MYO18A: variants seen among roughly 807,000 people sequenced by gnomAD.
MYO18A encodes the protein unconventional myosin-XVIIIa.
Under a neutral mutation model 235.8 loss-of-function variants are expected in MYO18A, and 78 were observed. That is an observed-to-expected ratio of 0.33 (90% CI 0.28 to 0.40). MYO18A has a LOEUF of 0.40. Among genes scored for constraint, MYO18A ranks in the 10% least tolerant of loss-of-function variants. MYO18A has a pLI of 1.00. For missense variants in MYO18A, 2,215 were observed against 2,699.3 expected, an observed-to-expected ratio of 0.82 and a Z score of 3.98; for synonymous variants, 977 against 1,077.8, an observed-to-expected ratio of 0.91 and a Z score of 1.83.
Position 29,106,985 on chromosome 17 carries a change from G to A in MYO18A, c.3441+95C>T. ...TGGGAGCCTGAGCAGGGCCAGATGA[G>A]CTGTCTCCAGGGAAGGGAAGGCAGA... is the stretch of plus-strand genomic sequence containing the variant. On this transcript the variant is annotated intron_variant, in intron 20 of 41. Transcript: ENST00000527372. The surrounding 1 kb of genome is among the most constrained non-coding windows in gnomAD (Gnocchi z 4.6). 2 of 1,215,068 alleles carry A rather than the reference G, an allele frequency of 1.6e-6. No individual in the cohort carries two copies. Among genetic ancestry groups the A allele is most frequent in the Non-Finnish European group, 2.4e-6 (2 of 827,680 alleles). 75.3% of individuals were successfully genotyped at this position (1,215,068 alleles called of 1,614,324 possible). A position where few individuals can be genotyped will look rare whatever the true frequency, so the allele number is the denominator to read the frequency against.
Position 29,073,680 on chromosome 17 carries a change from C to A in MYO18A, c.*1090G>T. On this transcript the variant is annotated 3_prime_UTR_variant, in exon 42 of 42. Coordinates refer to ENST00000527372, the MANE Select transcript of MYO18A (RefSeq NM_078471.4). ...AGTCTGGTGGAGTTCTCAGGGATAA[C>A]CTTTTTAGGGTGGGGGCTGGGACCT... 1.4e-6 allele frequency: 1 copy of A among 705,854 alleles called. No individual in the cohort carries two copies. Among genetic ancestry groups the A allele is most frequent in the Non-Finnish European group, 2.3e-6 (1 of 428,950 alleles). The allele number at this position is 705,854 out of a possible 1,614,324, so 43.7% of individuals were successfully genotyped here.
In MYO18A at chr17:29,118,038, AG is replaced by A. The variant is rs1344088636; in HGVS notation, c.2038+6del. ...AGGCCAGCCTACTGGGACCCACTGC[AG>A]GTTACCTTTGGTGGCTCCCGCAGCC... On this transcript the variant is annotated splice_donor_region_variant and intron_variant, in intron 10 of 41. Transcript: ENST00000527372. This position sits in a 1 kb window ranked among gnomAD's most constrained non-coding sequence, Gnocchi z 4.2. The A allele has an allele frequency of 6.3e-6, 10 of 1,575,684 alleles. No individual in the cohort carries two copies. The highest frequency in any genetic ancestry group is 7.8e-6 in the Non-Finnish European group (9 of 1,160,754).
In MYO18A at chr17:29,099,639, T is replaced by C; in HGVS notation, c.3631A>G (p.Arg1211Gly). ...GGATGTCTCTAGAGCAGCACCTTTC[T>C]CTTCTTGAAGTGCTGGCGGGCCAGG... is the stretch of plus-strand genomic sequence containing the variant. ...GYLARQHFKK[R>G]KIQDLAIRCV... Residue 1211 changes from arginine (R) to glycine (G), a missense_variant, in exon 22 of 42, where the codon AGA (arginine) becomes GGA (glycine). Transcript: ENST00000527372. 2 of 1,613,518 alleles carry C rather than the reference T, an allele frequency of 1.2e-6. No homozygotes were observed. Among genetic ancestry groups the C allele is most frequent in the South Asian group, 1.1e-5 (1 of 91,030 alleles).
At chr17:29,144,468 C>T (rs1290030227) in intron 2 of MYO18A, among the ~76,000 whole-genome samples, 5 of 152,180 alleles carry the variant, frequency 3.3e-5, no homozygotes, top group Admixed American at 6.5e-5. Flanking sequence ...AAGACCCACC[C>T]GGCAATGCAA....
chr17:29,087,677 T>C (rs1369807231), intron 37 of MYO18A, among the ~76,000 whole-genome samples: 1 of 152,142 alleles, frequency 6.6e-6, no homozygotes, highest in African/African-American at 2.4e-5. Flanking sequence ...AGAGAGGGGC[T>C]GAATGTGAGG....
At chr17:29,163,971 C>T (rs2152973062) in intron 2 of MYO18A, among the ~76,000 whole-genome samples, 1 of 152,346 alleles carries the variant, frequency 6.6e-6, no homozygotes, top group African/African-American at 2.4e-5. Flanking sequence ...CTCACTGCAA[C>T]TTCCGCCTCC....
intron 2 of MYO18A, among the ~76,000 whole-genome samples, chr17:29,148,860 G>T (rs1311791930): frequency 6.6e-6 from 1 of 152,194 alleles, no homozygotes; most frequent in East Asian, 1.9e-4. Context: ...AGCACCCTAC[G>T]CACGGGTCAG....
At chr17:29,161,877 C>T (rs1436342300) in intron 2 of MYO18A, among the ~76,000 whole-genome samples, 2 of 152,204 alleles carry the variant, frequency 1.3e-5, no homozygotes, top group Non-Finnish European at 2.9e-5. Context: ...CCAACATCTC[C>T]CCTAATCTCA....
intron 40 of MYO18A, among the ~76,000 whole-genome samples, chr17:29,084,054 C>T (rs1054645057): frequency 2.6e-5 from 4 of 152,180 alleles, no homozygotes; most frequent in African/African-American, 7.2e-5. Context: ...TGCCTTACTG[C>T]GCTGGGCTCA....
chr17:29,093,305 G>A lies in MYO18A; in HGVS notation c.4926+18C>T, dbSNP rs769893850. The A allele has an allele frequency of 6.2e-7, 1 of 1,600,536 alleles. No homozygotes were observed. Among genetic ancestry groups the A allele is most frequent in the Non-Finnish European group, 8.5e-7 (1 of 1,172,414 alleles). On this transcript the variant is annotated intron_variant, in intron 32 of 41. Coordinates refer to ENST00000527372, the MANE Select transcript of MYO18A (RefSeq NM_078471.4). ...GGCAGGGAGCCGGCCAGGCTTGGTG[G>A]GTGGAGCATCCCCTGACCTGGTCGC...
Position 29,098,513 on chromosome 17 carries a change from C to A in MYO18A, c.3781-68G>T, listed in dbSNP as rs545616528. ...GAGGGATTGGGGCCCTGGGTCTGCACCCCTGTAGTGAACGAAGCTGATGAA... is the reference window on the plus strand; with the variant it reads ...GAGGGATTGGGGCCCTGGGTCTGCAACCCTGTAGTGAACGAAGCTGATGAA... On this transcript the variant is annotated intron_variant, in intron 23 of 41. Transcript: ENST00000527372. 763 of 1,561,088 alleles carry A rather than the reference C, an allele frequency of 4.9e-4. 2 individuals are homozygous for A. Among genetic ancestry groups the A allele is most frequent in the Non-Finnish European group, 6.2e-4 (703 of 1,138,090 alleles).
chr17:29,159,564 G>A (rs958699855), intron 2 of MYO18A, among the ~76,000 whole-genome samples: 1 of 152,120 alleles, frequency 6.6e-6, no homozygotes, highest in East Asian at 1.9e-4. Flanking sequence ...GTAAAATCAG[G>A]AACAGAAGCA....
At chr17:29,128,560 T>C in intron 2 of MYO18A, 1 of 1,223,888 alleles carries the variant, frequency 8.2e-7, no homozygotes, top group Non-Finnish European at 1.0e-6. Flanking sequence ...GTCATACAAA[T>C]ACAGGTAGAC....
rs1427544150 is a variant in MYO18A, at chr17:29,111,517, T to C, written c.2807A>G (p.Asn936Ser). 2 of 1,613,598 alleles carry C rather than the reference T, an allele frequency of 1.2e-6. No individual in the cohort carries two copies. The highest frequency in any genetic ancestry group is 1.3e-5 in the African/African-American group (1 of 75,026). The change falls in exon 17 of 42, where the codon AAC (asparagine) becomes AGC (serine). Residue 936 changes from asparagine to serine, a missense_variant. Physicochemically the swap from Asn to Ser is conservative, Grantham distance 46. Transcript: ENST00000527372. The surrounding 1 kb of genome is among the most constrained non-coding windows in gnomAD (Gnocchi z 5.1). ...GCCAGTCACATTGTACTCTACCCAG[T>C]TGGTGCCATGGCTGTGGCCCAGGAG... Reference protein sequence around the residue: ...HFLLGHSHGTNWVEYNVTGWL... With the variant: ...HFLLGHSHGTSWVEYNVTGWL...
intron 40 of MYO18A, 146 bp from the exon 41 acceptor site, chr17:29,082,584 G>C: frequency 1.3e-6 from 1 of 763,454 alleles, no homozygotes; most frequent in Non-Finnish European, 2.1e-6. Context: ...GAATGAGAGA[G>C]GTTAGACAGA....
At chr17:29,096,619 G>C in intron 28 of MYO18A, 142 bp downstream of exon 28, 2 of 1,115,916 alleles carry the variant, frequency 1.8e-6, no homozygotes, top group Non-Finnish European at 2.4e-6. Flanking sequence ...GCCCCTTCAC[G>C]TTCCAAGATG....
At position 29,126,968 on chromosome 17, in the gene MYO18A, T is replaced by C. The variant is rs775704414; in HGVS notation, c.1000-4715A>G. ...GCTCCTCAAGAGTCCTGCTGCCAGA[T>C]GGTCATGCTGGCCAGGCCTAAAGAA... On this transcript the variant is annotated intron_variant, in intron 2 of 41. Transcript: ENST00000527372. The surrounding 1 kb of genome is among the most constrained non-coding windows in gnomAD (Gnocchi z 4.1). Among the ~76,000 whole-genome samples, 2 of 152,200 alleles carry C rather than the reference T, an allele frequency of 1.3e-5. No individual in the cohort carries two copies. The highest frequency in any genetic ancestry group is 4.8e-5 in the African/African-American group (2 of 41,440).
rs921761913 is a variant in MYO18A, at chr17:29,115,447, G to A, written c.2228-6C>T. 1.9e-6 allele frequency: 3 copies of A among 1,612,850 alleles called. No individual in the cohort carries two copies. Among genetic ancestry groups the A allele is most frequent in the African/African-American group, 2.7e-5 (2 of 74,918 alleles). ...CAGTGCACTCAGTTTCGGGCCTGTGGGGCAGGGGGAGCAGCGCTATCTCCT... is the reference window on the plus strand; with the variant it reads ...CAGTGCACTCAGTTTCGGGCCTGTGAGGCAGGGGGAGCAGCGCTATCTCCT... On this transcript the variant is annotated splice_polypyrimidine_tract_variant and splice_region_variant and intron_variant, in intron 12 of 41. Transcript: ENST00000527372.
At chr17:29,131,272 G>A (rs1337656368) in intron 2 of MYO18A, 1 of 571,100 alleles carries the variant, frequency 1.8e-6, no homozygotes, top group East Asian at 1.4e-4. Flanking sequence ...GCTAGTCCAG[G>A]GCTAGTGGGT....
Sources: gnomAD v4.1 joint callset for allele counts (sites outside exome capture counted in the v4.1 genomes callset) on GRCh38, gnomAD v4.1.1 for gene constraint, Gnocchi (gnomAD v3.1) non-coding constraint, MANE v1.5 for transcripts, NCBI Gene and HGNC (gene_info 2026-07-23, HGNC 2026-07-21) for gene names.